Variants in PLCB4 observed in about 807,000 individuals in gnomAD.
The protein encoded by PLCB4 is phospholipase C beta 4.
In PLCB4, 77 loss-of-function variants were observed where a neutral mutation model predicts 178.8. The observed-to-expected ratio is 0.43, with a 90% CI of 0.36 to 0.52. The LOEUF is 0.52. Ranked by LOEUF, PLCB4 falls within the 20% of genes least tolerant of loss-of-function variation. PLCB4 has a pLI of 0.00. For missense variants in PLCB4, 1,024 were observed against 1,453.4 expected (o/e 0.70, Z 4.80); for synonymous variants, 496 against 490.8 (o/e 1.01, Z -0.14).
chr20:9,465,762 C>T (rs1203235259), intron 35 of PLCB4, among the ~76,000 whole-genome samples: 1 of 152,136 alleles, frequency 6.6e-6, no homozygotes, highest in Non-Finnish European at 1.5e-5. Flanking sequence ...GAGCTACAAA[C>T]CACTGCTCAA....
intron 2 of PLCB4, among the ~76,000 whole-genome samples, chr20:9,200,660 C>G (rs181001632): frequency 6.6e-6 from 1 of 152,152 alleles, no homozygotes. Context: ...TTTCCAGCTA[C>G]GTTGGTCTCT....
chr20:9,448,271 A>G (rs768710072), intron 32 of PLCB4, among the ~76,000 whole-genome samples: 6 of 152,048 alleles, frequency 3.9e-5, no homozygotes, highest in Non-Finnish European at 5.9e-5. Flanking sequence ...CTGTGAAAGG[A>G]CATCTACAGC....
At chr20:9,424,025 C>T (rs2040825700) in intron 28 of PLCB4, 73 bp downstream of exon 28, 2 of 1,012,494 alleles carry the variant, frequency 2.0e-6, no homozygotes, top group Middle Eastern at 3.0e-4. Flanking sequence ...AACATCTTGT[C>T]CATGCTTTAA....
intron 3 of PLCB4, among the ~76,000 whole-genome samples, chr20:9,271,469 T>G (rs1202853213): frequency 6.6e-6 from 1 of 152,152 alleles, no homozygotes; most frequent in African/African-American, 2.4e-5. Context: ...CCCAGGACTC[T>G]CTGGTAACAA....
chr20:9,171,003 G>A (rs1008633649), intron 2 of PLCB4, among the ~76,000 whole-genome samples: 2 of 152,220 alleles, frequency 1.3e-5, no homozygotes, highest in East Asian at 1.9e-4. Context: ...GTTCTTTGAC[G>A]GTACCATGAA....
chr20:9,196,300 G>C (rs1036257549), intron 2 of PLCB4, among the ~76,000 whole-genome samples: 1 of 152,150 alleles, frequency 6.6e-6, no homozygotes, highest in Non-Finnish European at 1.5e-5. Flanking sequence ...TGGAATAGGA[G>C]GGCCATATTA....
intron 2 of PLCB4, among the ~76,000 whole-genome samples, chr20:9,108,602 T>C (rs1437710650): frequency 6.6e-6 from 1 of 151,792 alleles, no homozygotes; most frequent in Admixed American, 6.6e-5. Context: ...ATGATAATAC[T>C]AATTATTATT....
At chr20:9,458,369 G>T (rs1335998021) in intron 34 of PLCB4, among the ~76,000 whole-genome samples, 2 of 152,196 alleles carry the variant, frequency 1.3e-5, no homozygotes, top group Non-Finnish European at 1.5e-5. Flanking sequence ...TAGTAGTTGT[G>T]CAAACTGTCA....
intron 2 of PLCB4, among the ~76,000 whole-genome samples, chr20:9,175,648 G>A (rs2093142166): frequency 6.6e-6 from 1 of 152,000 alleles, no homozygotes; most frequent in Non-Finnish European, 1.5e-5. Context: ...TAAGTGATAT[G>A]ATATCAACTC....
intron 19 of PLCB4, among the ~76,000 whole-genome samples, chr20:9,398,975 GA>G (rs2038820532): frequency 6.6e-6 from 1 of 152,156 alleles, no homozygotes; most frequent in African/African-American, 2.4e-5. Flanking sequence ...GGAATATGGT[GA>G]AAACATAGAT....
chr20:9,111,880 G>A (rs1056740597), intron 2 of PLCB4, among the ~76,000 whole-genome samples: 2 of 152,032 alleles, frequency 1.3e-5, no homozygotes, highest in Non-Finnish European at 2.9e-5. Context: ...CCTTCTCAAA[G>A]TATTTTTTCC....
At chr20:9,385,790 G>C (rs1054335368) in intron 14 of PLCB4, among the ~76,000 whole-genome samples, 2 of 149,784 alleles carry the variant, frequency 1.3e-5, no homozygotes, top group South Asian at 4.3e-4. Context: ...CGGGCAGAGG[G>C]GCTCCCCACA....
At chr20:9,315,093 C>A (rs1303954918) in intron 4 of PLCB4, among the ~76,000 whole-genome samples, 1 of 151,998 alleles carries the variant, frequency 6.6e-6, no homozygotes, top group African/African-American at 2.4e-5. Context: ...AACAGAAAGT[C>A]TATTTACACA....
intron 3 of PLCB4, among the ~76,000 whole-genome samples, chr20:9,304,618 G>A (rs1157278744): frequency 6.6e-6 from 1 of 152,008 alleles, no homozygotes; most frequent in East Asian, 1.9e-4. Context: ...CTGTTATTCT[G>A]AGAATCATTG....
intron 2 of PLCB4, among the ~76,000 whole-genome samples, chr20:9,169,498 G>A (rs1029748177): frequency 3.8e-4 from 58 of 151,796 alleles, no homozygotes; most frequent in African/African-American, 1.3e-3. Context: ...GCTGAGGCAG[G>A]AGAATCGCTT....
At chr20:9,315,042 T>C (rs1268647098) in intron 4 of PLCB4, among the ~76,000 whole-genome samples, 1 of 152,128 alleles carries the variant, frequency 6.6e-6, no homozygotes, top group Non-Finnish European at 1.5e-5. Flanking sequence ...CGGCTAACTT[T>C]TGTATTTTTA....
chr20:9,408,698 CAT>C lies in PLCB4; in HGVS notation c.1856_1857del (p.His619ArgfsTer3). ...AGTCGGTCTTGGCTACTTGAAGACACATGCAATTGAATTTGTCAAGTATCCTT... is the reference window on the plus strand; with the variant it reads ...AGTCGGTCTTGGCTACTTGAAGACACGCAATTGAATTTGTCAAGTATCCTT... Reference protein sequence around the residue: ...ESVGLGYLKTHAIEFVNYNKR... With the variant: ...ESVGLGYLKTXAIEFVNYNKR... On this transcript the variant is annotated frameshift_variant, in exon 23 of 40. Coordinates refer to ENST00000378473, the MANE Select transcript of PLCB4 (RefSeq NM_001377142.1). LOFTEE classifies it high-confidence loss of function. 6.4e-7 allele frequency: 1 copy of C among 1,567,126 alleles called. No individual in the cohort carries two copies. The highest frequency in any genetic ancestry group is 8.8e-7 in the Non-Finnish European group (1 of 1,137,526).
chr20:9,476,681 G>T, intron 38 of PLCB4, 36 bp from the exon 39 acceptor site: 1 of 1,467,854 alleles, frequency 6.8e-7, no homozygotes, highest in South Asian at 1.1e-5. Flanking sequence ...TTGTATGTAT[G>T]ACTCAATTTT....
chr20:9,177,851 G>A (rs2093180636), intron 2 of PLCB4, among the ~76,000 whole-genome samples: 1 of 152,106 alleles, frequency 6.6e-6, no homozygotes, highest in South Asian at 2.1e-4. Context: ...CCTAACACCT[G>A]CCTGTCCTCA....
Sources: allele counts gnomAD v4.1 joint callset (sites outside exome capture counted in the v4.1 genomes callset), GRCh38; gene constraint gnomAD v4.1.1; transcripts MANE v1.5; gene names NCBI Gene and HGNC (gene_info 2026-07-23, HGNC 2026-07-21).